Variants in KCNQ3 observed in about 807,000 individuals in gnomAD.
KCNQ3 encodes potassium voltage-gated channel subfamily KQT member 3.
A neutral mutation model predicts 92.5 loss-of-function variants in KCNQ3; 30 were observed. The ratio of observed to expected loss-of-function variants is 0.32; its 90% CI spans 0.24 to 0.44. The LOEUF (loss-of-function observed/expected upper bound fraction) is 0.44. Among genes scored for constraint, KCNQ3 ranks in the 20% least tolerant of loss-of-function variants. KCNQ3 has a pLI of 1.00. For missense variants in KCNQ3, 913 were observed against 1,140.3 expected (o/e 0.80, Z 2.87); for synonymous variants, 450 against 468.8 (o/e 0.96, Z 0.52).
intron 1 of KCNQ3, among the ~76,000 whole-genome samples, chr8:132,370,394 T>A (rs1458830927): frequency 6.6e-6 from 1 of 152,214 alleles, no homozygotes; most frequent in African/African-American, 2.4e-5. Flanking sequence ...ATTAAGGGTA[T>A]CCTGTAATGT....
intron 1 of KCNQ3, among the ~76,000 whole-genome samples, chr8:132,441,726 TA>T (rs1362100350): frequency 1.3e-5 from 2 of 152,192 alleles, no homozygotes; most frequent in East Asian, 3.8e-4. Flanking sequence ...TAAACTAACT[TA>T]AACTCACACC....
chr8:132,183,757 A>G (rs1471598421), intron 3 of KCNQ3, among the ~76,000 whole-genome samples: 3 of 152,214 alleles, frequency 2.0e-5, no homozygotes, highest in Non-Finnish European at 4.4e-5. Context: ...TGACTGAAAA[A>G]TGACTCAGAT....
chr8:132,312,618 G>T (rs962920460), intron 1 of KCNQ3, among the ~76,000 whole-genome samples: 4 of 152,154 alleles, frequency 2.6e-5, no homozygotes, highest in African/African-American at 9.7e-5. Flanking sequence ...ATGTGTCAAG[G>T]GAGAGACCTG....
intron 1 of KCNQ3, among the ~76,000 whole-genome samples, chr8:132,459,226 A>G (rs892846216): frequency 1.3e-5 from 2 of 152,238 alleles, no homozygotes; most frequent in Non-Finnish European, 2.9e-5. Flanking sequence ...TACTATCAAC[A>G]TGATTAATCA....
intron 1 of KCNQ3, among the ~76,000 whole-genome samples, chr8:132,476,544 T>G (rs1439098852): frequency 6.6e-6 from 1 of 152,252 alleles, no homozygotes; most frequent in Non-Finnish European, 1.5e-5. Flanking sequence ...GGAGCTTTTT[T>G]AATGCATGCC....
At chr8:132,190,131 T>A (rs1405669240) in intron 1 of KCNQ3, among the ~76,000 whole-genome samples, 1 of 152,030 alleles carries the variant, frequency 6.6e-6, no homozygotes, top group Non-Finnish European at 1.5e-5. Context: ...CTGAACTAAT[T>A]TGGCAGGAAA....
intron 1 of KCNQ3, among the ~76,000 whole-genome samples, chr8:132,379,169 C>T (rs2673612): frequency 0.16 from 24,979 of 152,178 alleles, 2,406 homozygotes; most frequent in East Asian, 0.37. Context: ...ACCTTCTCTA[C>T]ACATCAATGA....
rs141310187 is a variant in KCNQ3, at chr8:132,169,386, A to C, written c.1235+948T>G. On this transcript the variant is annotated intron_variant, in intron 8 of 14. Transcript: ENST00000388996. Reference sequence around the variant, plus strand: ...AATAATGAACTCGAATGCCTAGAGCATAGTGGGCATCCAATGCATATTAAT... The same window carrying C: ...AATAATGAACTCGAATGCCTAGAGCCTAGTGGGCATCCAATGCATATTAAT... Among the ~76,000 whole-genome samples the C allele has an allele frequency of 5.0e-3, 758 of 152,366 alleles. 13 individuals carry two copies. In the Middle Eastern group the frequency reaches 0.061, roughly 12 times the overall value.
At chr8:132,268,334 G>T (rs903882046) in intron 1 of KCNQ3, among the ~76,000 whole-genome samples, 1 of 152,098 alleles carries the variant, frequency 6.6e-6, no homozygotes, top group Non-Finnish European at 1.5e-5. Context: ...GCGCGATCTT[G>T]GCTCACTGCA....
intron 1 of KCNQ3, among the ~76,000 whole-genome samples, chr8:132,202,982 AAAAT>A (rs1274585431): frequency 6.6e-6 from 1 of 152,180 alleles, no homozygotes; most frequent in African/African-American, 2.4e-5. Flanking sequence ...TATTTTAAAA[AAAAT>A]TGTTTCTCAG....
At chr8:132,341,220 G>C (rs145793937) in intron 1 of KCNQ3, among the ~76,000 whole-genome samples, 1,785 of 152,350 alleles carry the variant, frequency 0.012, 16 homozygotes, top group Non-Finnish European at 0.02. Flanking sequence ...TTCAGCATTA[G>C]TGCGTGACTA....
intron 1 of KCNQ3, among the ~76,000 whole-genome samples, chr8:132,450,402 T>C (rs1358072444): frequency 6.6e-6 from 1 of 152,150 alleles, no homozygotes; most frequent in African/African-American, 2.4e-5. Flanking sequence ...CAATCCTAAC[T>C]ACAGAGTGCT....
chr8:132,202,608 A>G (rs1827496442), intron 1 of KCNQ3, among the ~76,000 whole-genome samples: 1 of 152,166 alleles, frequency 6.6e-6, no homozygotes, highest in South Asian at 2.1e-4. Context: ...TGCCTTCCCT[A>G]AAGTCCTAGG....
chr8:132,303,581 G>GATATATA (rs1563849732), intron 1 of KCNQ3, among the ~76,000 whole-genome samples: 3 of 19,584 alleles, frequency 1.5e-4, no homozygotes, highest in African/African-American at 7.0e-4. Context: ...TATATATATG[G>GATATATA]TGTGTGTGTA....
At chr8:132,335,475 C>T (rs1486825038) in intron 1 of KCNQ3, among the ~76,000 whole-genome samples, 1 of 152,162 alleles carries the variant, frequency 6.6e-6, no homozygotes, top group East Asian at 1.9e-4. Context: ...TCACTAGGTG[C>T]TGGTGACAGG....
chr8:132,143,149 T>C (rs143894566), intron 9 of KCNQ3, among the ~76,000 whole-genome samples: 96 of 152,300 alleles, frequency 6.3e-4, no homozygotes, highest in Non-Finnish European at 9.9e-4. Flanking sequence ...AGCAGTTTGA[T>C]TGAGGAACTC....
At chr8:132,373,612 C>T (rs187687234) in intron 1 of KCNQ3, among the ~76,000 whole-genome samples, 4 of 152,242 alleles carry the variant, frequency 2.6e-5, no homozygotes, top group Admixed American at 6.5e-5. Context: ...AGCTAACCAG[C>T]GTAAGAACAA....
At chr8:132,257,740 C>A (rs1586871986) in intron 1 of KCNQ3, among the ~76,000 whole-genome samples, 2 of 85,008 alleles carry the variant, frequency 2.4e-5, no homozygotes, top group African/African-American at 4.6e-5. Flanking sequence ...AGTGAGACTC[C>A]AGCTCAAAAA....
intron 3 of KCNQ3, among the ~76,000 whole-genome samples, chr8:132,182,071 A>C (rs1826800536): frequency 7.5e-6 from 1 of 133,212 alleles, no homozygotes; most frequent in Non-Finnish European, 1.6e-5. Context: ...ATAAAAAACA[A>C]AAAAAAAACA....
Sources: gnomAD v4.1 joint callset for allele counts (sites outside exome capture counted in the v4.1 genomes callset) on GRCh38, gnomAD v4.1.1 for gene constraint, MANE v1.5 for transcripts, NCBI Gene and HGNC (gene_info 2026-07-23, HGNC 2026-07-21) for gene names.